Variants in SDK1 observed in about 807,000 individuals in gnomAD.
The protein encoded by SDK1 is sidekick cell adhesion molecule 1, also known as protein sidekick-1.
Under a neutral mutation model 245.5 loss-of-function variants are expected in SDK1, and 157 were observed. The ratio of observed to expected loss-of-function variants is 0.64; its 90% CI spans 0.56 to 0.73. The LOEUF is 0.73. Among genes scored for constraint, SDK1 ranks in the 30% least tolerant of loss-of-function variants. SDK1 has a pLI of 0.00. For synonymous variants in SDK1, 1,647 were observed against 1,278.5 expected (o/e 1.29, Z -6.15); for missense variants, 3,583 against 3,002.3 (o/e 1.19, Z -4.52).
intron 1 of SDK1, among the ~76,000 whole-genome samples, chr7:3,560,759 C>A (rs546053125): frequency 5.9e-5 from 9 of 152,194 alleles, no homozygotes; most frequent in Non-Finnish European, 5.9e-5. Flanking sequence ...GTATCCTCCT[C>A]TCCTACTACC....
chr7:3,754,670 A>G, intron 4 of SDK1, among the ~76,000 whole-genome samples: 1 of 151,492 alleles, frequency 6.6e-6, no homozygotes, highest in East Asian at 1.9e-4. Context: ...CGTGGTTTCT[A>G]AGTAAGGGGA....
In SDK1 at chr7:3,474,125, G is replaced by T. The variant is rs112366176; in HGVS notation, c.299-144955G>T. Among the ~76,000 whole-genome samples the T allele has an allele frequency of 1.1e-4, 6 of 56,350 alleles. No individual in the cohort carries two copies. The Admixed American group carries it at 1.3e-3, about 12-fold the overall frequency. The allele number at this position is 56,350 out of a possible 152,430, so 37.0% of individuals were successfully genotyped here. A position where few individuals can be genotyped will look rare whatever the true frequency, so the allele number is the denominator to read the frequency against. On this transcript the variant is annotated intron_variant, in intron 1 of 44. Coordinates refer to ENST00000404826, the MANE Select transcript of SDK1 (RefSeq NM_152744.4). ...TTTTTTTTTTTTTTTTTTTTTTTGA[G>T]ACCGTGTCTCTCTGTTGCCCAGGCT...
At chr7:3,400,970 A>G (rs906846592) in intron 1 of SDK1, among the ~76,000 whole-genome samples, 1 of 152,074 alleles carries the variant, frequency 6.6e-6, no homozygotes, top group East Asian at 1.9e-4. Context: ...CAGGACAGTG[A>G]TGATGAGAAG....
intron 1 of SDK1, among the ~76,000 whole-genome samples, chr7:3,562,630 CTA>C (rs1242279187): frequency 1.3e-5 from 2 of 152,130 alleles, no homozygotes; most frequent in Non-Finnish European, 2.9e-5. Flanking sequence ...GTTTTTAAAA[CTA>C]TTTTTTCTAA....
At chr7:3,742,736 C>A (rs550140623) in intron 4 of SDK1, among the ~76,000 whole-genome samples, 1 of 152,142 alleles carries the variant, frequency 6.6e-6, no homozygotes, top group Admixed American at 6.6e-5. Flanking sequence ...GTTTGTCTGC[C>A]TGTTGTCAGT....
In SDK1 at chr7:3,379,936, A is replaced by G. The variant is rs111368764; in HGVS notation, c.298+78052A>G. On this transcript the variant is annotated intron_variant, in intron 1 of 44. Transcript: ENST00000404826. ...ATATTCCCAAATCTGAAAAAGATTCAAAACCTAATCCAAAAATCCAAAGGC... is the reference window on the plus strand; with the variant it reads ...ATATTCCCAAATCTGAAAAAGATTCGAAACCTAATCCAAAAATCCAAAGGC... Among the ~76,000 whole-genome samples, 11 of 152,322 alleles carry G rather than the reference A, an allele frequency of 7.2e-5. 2 individuals carry two copies. Among genetic ancestry groups the G allele is most frequent in the African/African-American group, 2.4e-4 (10 of 41,580 alleles).
chr7:3,520,550 T>C (rs1294119408), intron 1 of SDK1, among the ~76,000 whole-genome samples: 1 of 152,236 alleles, frequency 6.6e-6, no homozygotes, highest in Non-Finnish European at 1.5e-5. Context: ...ATCTCTTACT[T>C]ATATCAAAAG....
At chr7:4,248,261 AAC>A (rs1275846756) in intron 44 of SDK1, among the ~76,000 whole-genome samples, 1 of 151,670 alleles carries the variant, frequency 6.6e-6, no homozygotes, top group African/African-American at 2.4e-5. Context: ...TAGAACACAC[AAC>A]ACACACACCT....
At chr7:3,963,109 A>G (rs1381308271) in intron 9 of SDK1, among the ~76,000 whole-genome samples, 1 of 130,596 alleles carries the variant, frequency 7.7e-6, no homozygotes, top group Non-Finnish European at 1.6e-5. Flanking sequence ...CAGTGGGTAC[A>G]CCCAGGCTCA....
At chr7:3,573,493 C>A (rs528693836) in intron 1 of SDK1, among the ~76,000 whole-genome samples, 1 of 152,090 alleles carries the variant, frequency 6.6e-6, no homozygotes, top group South Asian at 2.1e-4. Context: ...AGGCTGAGGA[C>A]AACAGATGCA....
intron 43 of SDK1, among the ~76,000 whole-genome samples, chr7:4,244,109 C>T (rs1191177934): frequency 6.6e-6 from 1 of 152,184 alleles, no homozygotes; most frequent in African/African-American, 2.4e-5. Context: ...GGGGAGACAA[C>T]ACCCACGACA....
At chr7:3,986,659 G>A (rs1241272384) in intron 13 of SDK1, among the ~76,000 whole-genome samples, 1 of 152,102 alleles carries the variant, frequency 6.6e-6, no homozygotes, top group Non-Finnish European at 1.5e-5. Flanking sequence ...AGGAGTTCAA[G>A]ACCAACCTGG....
chr7:3,507,563 C>A (rs1468923590), intron 1 of SDK1, among the ~76,000 whole-genome samples: 1 of 152,152 alleles, frequency 6.6e-6, no homozygotes, highest in Admixed American at 6.5e-5. Flanking sequence ...GGCTGACAGT[C>A]CCCTCTGTAT....
intron 1 of SDK1, among the ~76,000 whole-genome samples, chr7:3,391,067 C>G (rs1781736830): frequency 6.6e-6 from 1 of 152,076 alleles, no homozygotes; most frequent in South Asian, 2.1e-4. Context: ...AATTCTTAAA[C>G]CTTTTATACC....
At chr7:3,582,830 C>T (rs1216852457) in intron 1 of SDK1, among the ~76,000 whole-genome samples, 1 of 152,098 alleles carries the variant, frequency 6.6e-6, no homozygotes, top group African/African-American at 2.4e-5. Flanking sequence ...TCTTCCCCAG[C>T]AACCCCTACC....
intron 1 of SDK1, among the ~76,000 whole-genome samples, chr7:3,517,882 A>G (rs931648456): frequency 6.6e-5 from 10 of 152,036 alleles, no homozygotes; most frequent in Non-Finnish European, 1.2e-4. Flanking sequence ...CCTTTTTATT[A>G]TGGTATCTTT....
intron 5 of SDK1, among the ~76,000 whole-genome samples, chr7:3,842,563 C>A (rs1392732647): frequency 1.3e-5 from 2 of 152,132 alleles, no homozygotes; most frequent in African/African-American, 4.8e-5. Flanking sequence ...CAGAAGAAAT[C>A]TGTCTGGAAC....
intron 5 of SDK1, among the ~76,000 whole-genome samples, chr7:3,834,905 A>C (rs13233265): frequency 9.9e-5 from 15 of 152,048 alleles, no homozygotes; most frequent in Non-Finnish European, 1.8e-4. Flanking sequence ...GATGCTGCTC[A>C]CCGGCTTGTT....
chr7:4,228,442 C>A (rs961601140), intron 40 of SDK1, among the ~76,000 whole-genome samples: 1 of 152,206 alleles, frequency 6.6e-6, no homozygotes, highest in African/African-American at 2.4e-5. Flanking sequence ...TGGGCCTCAG[C>A]AGGGGACTTG....
Sources: gnomAD v4.1 joint callset for allele counts (sites outside exome capture counted in the v4.1 genomes callset) on GRCh38, gnomAD v4.1.1 for gene constraint, MANE v1.5 for transcripts, NCBI Gene and HGNC (gene_info 2026-07-23, HGNC 2026-07-21) for gene names.